The following ROBO2 variants were observed in gnomAD, a reference collection of about 807,000 sequenced individuals.
The protein encoded by ROBO2 is roundabout homolog 2.
ROBO2 carries 53 observed loss-of-function variants against 160.8 expected under a neutral mutation model. The ratio of observed to expected loss-of-function variants is 0.33; its 90% CI spans 0.26 to 0.41. The LOEUF (loss-of-function observed/expected upper bound fraction) is 0.41. ROBO2 is among the 10% of genes least tolerant of loss of function. ROBO2 has a pLI of 1.00. For missense variants in ROBO2, 1,577 were observed against 1,722.4 expected, an observed-to-expected ratio of 0.92 and a Z score of 1.49; for synonymous variants, 664 against 611.7, an observed-to-expected ratio of 1.09 and a Z score of -1.26.
At chr3:77,622,620 A>G (rs1040490165) in intron 23 of ROBO2, among the ~76,000 whole-genome samples, 188 bp downstream of exon 24, 1 of 152,222 alleles carries the variant, frequency 6.6e-6, no homozygotes, top group African/African-American at 2.4e-5. Flanking sequence ...CAAAAATGAT[A>G]AGAAAATTCA....
chr3:77,440,057 C>G (rs2079753339), intron 2 of ROBO2, among the ~76,000 whole-genome samples: 1 of 152,098 alleles, frequency 6.6e-6, no homozygotes, highest in Non-Finnish European at 1.5e-5. Flanking sequence ...TATATATGCT[C>G]AGTGTGAGAA....
chr3:77,536,243 G>A (rs1323090137), intron 6 of ROBO2, among the ~76,000 whole-genome samples: 2 of 152,138 alleles, frequency 1.3e-5, no homozygotes, highest in Admixed American at 1.3e-4. Context: ...AGCAGGTGGG[G>A]GGAATGTGCC....
rs1553942359 is a variant in ROBO2 at position 77,409,099 on chromosome 3, A to ATATG, written c.389-68311_389-68308dup. Reference sequence around the variant, plus strand: ...AGCATCTTGAAATACATACATATATATATGTATATATATATATATATATAG... The same window carrying ATATG: ...AGCATCTTGAAATACATACATATATATATGTATGTATATATATATATATATATAG... On this transcript the variant is annotated intron_variant, in intron 2 of 25. Transcript: ENST00000461745. 7.0e-5 allele frequency among the ~76,000 whole-genome samples: 8 copies of ATATG among 113,896 alleles called. No homozygotes were observed. The South Asian group carries it at 1.9e-3, about 27-fold the overall frequency. The allele number at this position is 113,896 out of a possible 152,430, so 74.7% of individuals were successfully genotyped here. A position where few individuals can be genotyped will look rare whatever the true frequency, so the allele number is the denominator to read the frequency against.
chr3:76,044,700 A>G (rs975364742), intron 2 of ROBO2, among the ~76,000 whole-genome samples: 1 of 151,914 alleles, frequency 6.6e-6, no homozygotes, highest in Non-Finnish European at 1.5e-5. Context: ...GACAGAAAAA[A>G]CTCATAGGAA....
At chr3:76,533,350 T>C (rs1349877766) in intron 2 of ROBO2, among the ~76,000 whole-genome samples, 2 of 152,182 alleles carry the variant, frequency 1.3e-5, no homozygotes, top group African/African-American at 2.4e-5. Flanking sequence ...TTTGGAATAA[T>C]AGGAGTACTT....
intron 1 of ROBO2, among the ~76,000 whole-genome samples, chr3:77,088,774 C>T (rs570257789): frequency 5.9e-5 from 9 of 152,046 alleles, no homozygotes; most frequent in Non-Finnish European, 1.0e-4. Context: ...ATGTGATATC[C>T]ATTGCTTTTG....
intron 2 of ROBO2, among the ~76,000 whole-genome samples, chr3:76,342,325 A>G (rs2074276188): frequency 6.6e-6 from 1 of 152,130 alleles, no homozygotes; most frequent in Admixed American, 6.6e-5. Flanking sequence ...CAGGTGAGAG[A>G]CATAGATCTT....
chr3:76,384,451 A>G (rs2076784462), intron 2 of ROBO2, among the ~76,000 whole-genome samples: 1 of 152,200 alleles, frequency 6.6e-6, no homozygotes, highest in Non-Finnish European at 1.5e-5. Context: ...ACAAGGTTAA[A>G]GGGTAAGACC....
chr3:76,085,085 A>G (rs78669642), intron 2 of ROBO2, among the ~76,000 whole-genome samples: 3,798 of 150,354 alleles, frequency 0.025, 139 homozygotes, highest in African/African-American at 0.081. Context: ...TTTGTGTAAC[A>G]CAAACCCCCC....
intron 8 of ROBO2, 43 bp from the exon 10 acceptor site, chr3:77,557,901 C>T: frequency 6.8e-7 from 1 of 1,465,476 alleles, no homozygotes; most frequent in Non-Finnish European, 9.4e-7. Context: ...GCCTACTGAA[C>T]TACATTGATG....
At chr3:77,473,440 CTTTTT>C (rs71104688) in intron 2 of ROBO2, among the ~76,000 whole-genome samples, 6 of 77,924 alleles carry the variant, frequency 7.7e-5, no homozygotes, top group African/African-American at 2.8e-4. Context: ...ACAAACTGCT[CTTTTT>C]TTTTTTTTTT....
intron 2 of ROBO2, among the ~76,000 whole-genome samples, chr3:76,405,968 T>C (rs1350643599): frequency 6.6e-6 from 1 of 151,774 alleles, no homozygotes; most frequent in Non-Finnish European, 1.5e-5. Flanking sequence ...TAGTTACTTG[T>C]GTTTTCCTAA....
At chr3:76,793,020 G>T (rs142799725) in intron 2 of ROBO2, among the ~76,000 whole-genome samples, 2 of 151,660 alleles carry the variant, frequency 1.3e-5, no homozygotes, top group African/African-American at 4.8e-5. Flanking sequence ...AATGTATAAA[G>T]GCAATATAAT....
rs543055242 is a variant in ROBO2, at chr3:76,934,106, T to C, written c.110-163908T>C. On this transcript the variant is annotated intron_variant, in intron 2 of 26. Coordinates refer to the ROBO2 transcript ENST00000487694. The stretch of plus-strand genomic sequence containing the variant: ...AGAAACTTTGTTTTGAGAAAGACGA[T>C]TGGACATCTGACAGCTTCATTGATA... Among the ~76,000 whole-genome samples the C allele has an allele frequency of 1.6e-3, 240 of 152,166 alleles. 1 individual carries two copies. The highest frequency in any genetic ancestry group is 1.8e-3 in the Non-Finnish European group (125 of 67,992).
chr3:77,412,791 G>A (rs2076907229), intron 2 of ROBO2, among the ~76,000 whole-genome samples: 1 of 152,240 alleles, frequency 6.6e-6, no homozygotes, highest in Non-Finnish European at 1.5e-5. Context: ...GTTTTATAGG[G>A]ATAGTTAGCC....
intron 2 of ROBO2, among the ~76,000 whole-genome samples, chr3:76,850,587 C>T (rs1026496218): frequency 2.6e-5 from 4 of 152,158 alleles, no homozygotes; most frequent in Non-Finnish European, 5.9e-5. Context: ...CTAGTGCCCA[C>T]AGTACGGGGC....
intron 1 of ROBO2, among the ~76,000 whole-genome samples, chr3:77,087,509 GA>G (rs1342398623): frequency 1.3e-5 from 2 of 152,182 alleles, no homozygotes; most frequent in African/African-American, 4.8e-5. Context: ...AAATTGATTT[GA>G]AATAGTATTG....
At chr3:77,272,651 G>T (rs2059575352) in intron 2 of ROBO2, among the ~76,000 whole-genome samples, 1 of 152,090 alleles carries the variant, frequency 6.6e-6, no homozygotes, top group South Asian at 2.1e-4. Flanking sequence ...TATAAATGTA[G>T]GGTTCAAGTT....
intron 2 of ROBO2, among the ~76,000 whole-genome samples, chr3:76,261,938 T>C (rs868367083): frequency 7.9e-5 from 12 of 152,138 alleles, no homozygotes; most frequent in Admixed American, 2.6e-4. Context: ...ATACGATTTT[T>C]GGAGGAGATG....
Sources: allele counts gnomAD v4.1 joint callset (sites outside exome capture counted in the v4.1 genomes callset), GRCh38; gene constraint gnomAD v4.1.1; transcripts MANE v1.5; gene names NCBI Gene and HGNC (gene_info 2026-07-23, HGNC 2026-07-21).